PTPRK: variants seen among roughly 807,000 people sequenced by gnomAD.
PTPRK encodes the protein receptor-type tyrosine-protein phosphatase kappa.
In PTPRK, 75 loss-of-function variants were observed where a neutral mutation model predicts 178.0. That is an observed-to-expected ratio of 0.42 (90% CI 0.35 to 0.51). The LOEUF is 0.51. PTPRK is among the 20% of genes least tolerant of loss of function. The pLI, the probability that PTPRK is intolerant of heterozygous loss-of-function variation, is 0.02. For missense variants in PTPRK, 1,441 were observed against 1,797.8 expected (o/e 0.80, Z 3.59); for synonymous variants, 637 against 620.6 (o/e 1.03, Z -0.39).
chr6:128,399,835 C>T (rs1449540197), intron 1 of PTPRK, among the ~76,000 whole-genome samples: 1 of 152,150 alleles, frequency 6.6e-6, no homozygotes, highest in African/African-American at 2.4e-5. Flanking sequence ...ATAAGTGGGT[C>T]AATGCTTGCT....
intron 7 of PTPRK, among the ~76,000 whole-genome samples, chr6:128,180,573 A>C (rs960976284): frequency 9.2e-5 from 14 of 152,116 alleles, no homozygotes; most frequent in Non-Finnish European, 1.5e-4. Context: ...CAGTTACCAA[A>C]TGATTATAAT....
chr6:128,456,665 ATACATTAC>A (rs1848433963), intron 1 of PTPRK, among the ~76,000 whole-genome samples: 1 of 152,120 alleles, frequency 6.6e-6, no homozygotes, highest in South Asian at 2.1e-4. Flanking sequence ...CTTTATTTAT[ATACATTAC>A]TAAACTAAAA....
Position 128,090,102 on chromosome 6 carries a change from G to A in PTPRK, c.1163-110C>T. ...ATATGCAAATCTAGAAAATGTGGAA[G>A]TCATGTTTTATTTTCCTTTGCTTTA... On this transcript the variant is annotated intron_variant, in intron 7 of 29. Coordinates refer to ENST00000368226, the MANE Select transcript of PTPRK (RefSeq NM_002844.4). 1.3e-5 allele frequency: 11 copies of A among 867,576 alleles called. No homozygotes were observed. In the South Asian group the frequency reaches 1.9e-4, roughly 15 times the overall value. 53.7% of individuals were successfully genotyped at this position (867,576 alleles called of 1,614,324 possible). A position where few individuals can be genotyped will look rare whatever the true frequency, so the allele number is the denominator to read the frequency against.
At chr6:128,316,078 T>C (rs1026409200) in intron 3 of PTPRK, among the ~76,000 whole-genome samples, 13 of 152,240 alleles carry the variant, frequency 8.5e-5, no homozygotes, top group African/African-American at 2.9e-4. Context: ...CAGTATAGCA[T>C]TGTCAGAAAC....
chr6:128,517,837 G>T (rs1369676085), intron 1 of PTPRK, among the ~76,000 whole-genome samples: 2 of 152,154 alleles, frequency 1.3e-5, no homozygotes, highest in African/African-American at 4.8e-5. Flanking sequence ...ACATGAATTT[G>T]TCTTGGACTT....
At chr6:127,971,012 T>G (rs1773839110) in intron 29 of PTPRK, among the ~76,000 whole-genome samples, 1 of 152,156 alleles carries the variant, frequency 6.6e-6, no homozygotes, top group African/African-American at 2.4e-5. Flanking sequence ...TTCAAGTTCT[T>G]AATTTTTGAC....
intron 1 of PTPRK, among the ~76,000 whole-genome samples, chr6:128,431,669 T>C (rs774853167): frequency 6.6e-6 from 1 of 152,224 alleles, no homozygotes; most frequent in Non-Finnish European, 1.5e-5. Context: ...CTGGATGTAA[T>C]TGTTTGTTTT....
intron 2 of PTPRK, among the ~76,000 whole-genome samples, chr6:128,389,195 G>A (rs1327775308): frequency 6.6e-6 from 1 of 151,954 alleles, no homozygotes; most frequent in Non-Finnish European, 1.5e-5. Flanking sequence ...GGGAGTAGAG[G>A]TCTTTACAAC....
intron 1 of PTPRK, among the ~76,000 whole-genome samples, chr6:128,511,266 G>A (rs1857145202): frequency 6.6e-6 from 1 of 152,070 alleles, no homozygotes; most frequent in Admixed American, 6.5e-5. Context: ...CCACAACAGA[G>A]AACAATCTGA....
At chr6:128,051,337 G>A (rs1236178379) in intron 13 of PTPRK, among the ~76,000 whole-genome samples, 1 of 151,882 alleles carries the variant, frequency 6.6e-6, no homozygotes, top group Non-Finnish European at 1.5e-5. Context: ...TGTATTTCTG[G>A]AAAAGAAAGT....
At chr6:128,307,437 G>A (rs1010199674) in intron 3 of PTPRK, among the ~76,000 whole-genome samples, 1 of 146,482 alleles carries the variant, frequency 6.8e-6, no homozygotes, top group African/African-American at 2.5e-5. Flanking sequence ...TCTTAACAAA[G>A]TCATTCCTTT....
intron 7 of PTPRK, among the ~76,000 whole-genome samples, chr6:128,148,296 G>C (rs1330768632): frequency 6.6e-6 from 1 of 152,034 alleles, no homozygotes; most frequent in South Asian, 2.1e-4. Flanking sequence ...AAATAAAAAG[G>C]GTTGCTTTGT....
intron 3 of PTPRK, among the ~76,000 whole-genome samples, chr6:128,274,466 T>C (rs2128299027): frequency 6.6e-6 from 1 of 152,226 alleles, no homozygotes; most frequent in Middle Eastern, 3.4e-3. Flanking sequence ...AAAATACTAT[T>C]GAGGGCATTT....
At chr6:128,325,701 A>G (rs1829458988) in intron 2 of PTPRK, among the ~76,000 whole-genome samples, 1 of 152,168 alleles carries the variant, frequency 6.6e-6, no homozygotes, top group South Asian at 2.1e-4. Context: ...GAGAAATAGG[A>G]TGTTTTTACA....
chr6:128,366,768 T>G (rs190510376), intron 2 of PTPRK, among the ~76,000 whole-genome samples: 1 of 152,244 alleles, frequency 6.6e-6, no homozygotes, highest in East Asian at 1.9e-4. Context: ...AAACCAACTG[T>G]GTGGGTTCAT....
chr6:128,373,793 C>G lies in PTPRK; in HGVS notation c.223+23773G>C, dbSNP rs545367037. Among the ~76,000 whole-genome samples, 3 of 152,282 alleles carry G rather than the reference C, an allele frequency of 2.0e-5. No homozygotes were observed. The South Asian group carries it at 6.2e-4, about 32-fold the overall frequency. On this transcript the variant is annotated intron_variant, in intron 2 of 29. Coordinates refer to ENST00000368226, the MANE Select transcript of PTPRK (RefSeq NM_002844.4). ...TCACTCCAAATTTCTGTTTATGACA[C>G]AAATCTTTGCCTGCCCATGAATACC... is the stretch of plus-strand genomic sequence containing the variant.
chr6:128,008,337 T>C (rs974969639), intron 14 of PTPRK, among the ~76,000 whole-genome samples: 2 of 141,448 alleles, frequency 1.4e-5, no homozygotes, highest in Non-Finnish European at 3.2e-5. Flanking sequence ...TATAAATATT[T>C]TTTTTAAAAG....
intron 18 of PTPRK, among the ~76,000 whole-genome samples, chr6:127,994,688 TATGTAATCAAA>T (rs1334620950): frequency 2.6e-5 from 4 of 151,930 alleles, no homozygotes; most frequent in Non-Finnish European, 5.9e-5. Context: ...TGTAGATATG[TATGTAATCAAA>T]ATTTAACAGT....
At chr6:128,196,407 T>C (rs1804870816) in intron 6 of PTPRK, among the ~76,000 whole-genome samples, 1 of 152,100 alleles carries the variant, frequency 6.6e-6, no homozygotes, top group African/African-American at 2.4e-5. Context: ...TAATAATATT[T>C]TTAAGATGCT....
Sources: allele counts gnomAD v4.1 joint callset (sites outside exome capture counted in the v4.1 genomes callset), GRCh38; gene constraint gnomAD v4.1.1; transcripts MANE v1.5; gene names NCBI Gene and HGNC (gene_info 2026-07-23, HGNC 2026-07-21).